Variants in SREK1IP1 observed in about 807,000 individuals in gnomAD.
SREK1IP1 encodes the protein protein SREK1IP1.
A neutral mutation model predicts 22.8 loss-of-function variants in SREK1IP1; 12 were observed. The ratio of observed to expected loss-of-function variants is 0.53; its 90% CI spans 0.34 to 0.85. The LOEUF is 0.85. Ranked by LOEUF, SREK1IP1 falls within the 40% of genes least tolerant of loss-of-function variation. SREK1IP1 has a pLI of 0.02. For missense variants in SREK1IP1, 147 were observed against 171.8 expected, an observed-to-expected ratio of 0.86 and a Z score of 0.81; for synonymous variants, 53 against 52.7, an observed-to-expected ratio of 1.01 and a Z score of -0.02.
At chr5:64,756,201 G>A (rs1742838044) in intron 1 of SREK1IP1, among the ~76,000 whole-genome samples, 1 of 152,106 alleles carries the variant, frequency 6.6e-6, no homozygotes, top group South Asian at 2.1e-4. Context: ...CCATTTTAAA[G>A]TATACAATTT....
chr5:64,757,169 A>G (rs1406426713), intron 1 of SREK1IP1, among the ~76,000 whole-genome samples: 1 of 152,244 alleles, frequency 6.6e-6, no homozygotes, highest in Admixed American at 6.5e-5. Context: ...CAGCAGTTTG[A>G]GAAGATTCCT....
intron 3 of SREK1IP1, among the ~76,000 whole-genome samples, chr5:64,730,158 A>G (rs1456490696): frequency 6.6e-6 from 1 of 152,190 alleles, no homozygotes. Flanking sequence ...CGGGGTTGGA[A>G]GAATACCAGA....
intron 2 of SREK1IP1, among the ~76,000 whole-genome samples, chr5:64,751,094 G>A (rs1044140303): frequency 8.5e-5 from 13 of 152,060 alleles, no homozygotes; most frequent in African/African-American, 3.1e-4. Flanking sequence ...AACTGATCTT[G>A]CTAAGGGAAG....
Position 64,718,170 on chromosome 5 carries a change from A to T in SREK1IP1, c.*6214T>A. On this transcript the variant is annotated 3_prime_UTR_variant, in exon 5 of 5. Coordinates refer to ENST00000513458, the MANE Select transcript of SREK1IP1 (RefSeq NM_173829.4). The stretch of plus-strand genomic sequence containing the variant: ...GCATTTTTGATCATTCAGTTACTTT[A>T]TTAAACGCACATTAAGGTTTTATTG... The T allele has an allele frequency of 1.7e-6, 1 of 585,086 alleles. No individual in the cohort carries two copies. Among genetic ancestry groups the T allele is most frequent in the Non-Finnish European group, 2.7e-6 (1 of 366,410 alleles). 36.2% of individuals were successfully genotyped at this position (585,086 alleles called of 1,614,324 possible).
intron 3 of SREK1IP1, among the ~76,000 whole-genome samples, chr5:64,738,881 T>C (rs55861108): frequency 0.043 from 6,484 of 152,286 alleles, 455 homozygotes; most frequent in African/African-American, 0.14. Flanking sequence ...TGGCTAATAA[T>C]TTGGTTGAAA....
chr5:64,758,365 C>T (rs974920702), intron 1 of SREK1IP1, among the ~76,000 whole-genome samples: 1 of 152,178 alleles, frequency 6.6e-6, no homozygotes, highest in African/African-American at 2.4e-5. Flanking sequence ...GACGGGGTTT[C>T]ACCATGTTGG....
rs1580534947 is a variant in SREK1IP1, at chr5:64,724,395, A to G, written c.457T>C (p.Ser153Pro). The G allele has an allele frequency of 6.5e-6, 10 of 1,540,634 alleles. No individual in the cohort carries two copies. The highest frequency in any genetic ancestry group is 1.8e-4 in the Middle Eastern group (1 of 5,702). Residue 153 changes from serine to proline, a missense_variant, in exon 5 of 5, where the codon TCC becomes CCC. By Grantham distance (74) the Ser-to-Pro change is moderately conservative. Transcript: ENST00000513458. ...AGCCAAAGTCTCAGTTACTTTCTGG[A>G]GAATTCAGAACTATTAGGTGTAGAA... is the stretch of plus-strand genomic sequence containing the variant. ...HSSTPNSSEF[S>P]RK
chr5:64,753,007 A>G (rs1742775482), intron 2 of SREK1IP1, among the ~76,000 whole-genome samples: 1 of 152,234 alleles, frequency 6.6e-6, no homozygotes. Flanking sequence ...AATATTGACA[A>G]AACGATTTGC....
intron 4 of SREK1IP1, among the ~76,000 whole-genome samples, chr5:64,724,923 T>G (rs1243473986): frequency 6.6e-6 from 1 of 152,206 alleles, no homozygotes; most frequent in African/African-American, 2.4e-5. Flanking sequence ...CCTTATTATA[T>G]TCACTTGTGT....
chr5:64,740,952 T>C, intron 3 of SREK1IP1, 105 bp downstream of exon 3: 3 of 1,071,218 alleles, frequency 2.8e-6, no homozygotes, highest in African/African-American at 3.2e-5. Context: ...CAGTAGCTCT[T>C]ACATAAACTA....
intron 3 of SREK1IP1, among the ~76,000 whole-genome samples, chr5:64,729,097 T>C (rs1282674978): frequency 1.3e-5 from 2 of 152,120 alleles, no homozygotes; most frequent in Non-Finnish European, 2.9e-5. Flanking sequence ...GAGGAAGCCT[T>C]GGGGTTATTT....
At chr5:64,755,210 GTA>G (rs1478842771) in intron 1 of SREK1IP1, among the ~76,000 whole-genome samples, 1 of 139,432 alleles carries the variant, frequency 7.2e-6, no homozygotes, top group Non-Finnish European at 1.5e-5. Flanking sequence ...CCATTACTGG[GTA>G]TATATCCAAA....
chr5:64,759,944 G>A (rs1742917088), intron 1 of SREK1IP1, among the ~76,000 whole-genome samples: 1 of 152,160 alleles, frequency 6.6e-6, no homozygotes, highest in Non-Finnish European at 1.5e-5. Context: ...AGAATTACAA[G>A]TGTACATACC....
chr5:64,766,990 A>C (rs1334395386), intron 1 of SREK1IP1, among the ~76,000 whole-genome samples: 2 of 152,256 alleles, frequency 1.3e-5, no homozygotes, highest in Non-Finnish European at 2.9e-5. Flanking sequence ...CACAGAAAAC[A>C]TCTTTCATTC....
intron 1 of SREK1IP1, chr5:64,765,050 C>T (rs549797300): frequency 6.6e-6 from 1 of 152,292 alleles, no homozygotes. Context: ...CATACGTTGC[C>T]ACTTGTGCCA....
intron 3 of SREK1IP1, among the ~76,000 whole-genome samples, chr5:64,738,661 A>G (rs1016013619): frequency 2.6e-5 from 4 of 152,142 alleles, no homozygotes; most frequent in Admixed American, 2.6e-4. Context: ...CAGAATAGGA[A>G]GTCCAGGAAT....
At chr5:64,742,623 CTAAA>C (rs975644712) in intron 2 of SREK1IP1, among the ~76,000 whole-genome samples, 2 of 152,102 alleles carry the variant, frequency 1.3e-5, no homozygotes, top group African/African-American at 2.4e-5. Flanking sequence ...CAGAGACTCT[CTAAA>C]TAGAGTTCCA....
chr5:64,738,622 C>T (rs574654863), intron 3 of SREK1IP1, among the ~76,000 whole-genome samples: 1 of 152,052 alleles, frequency 6.6e-6, no homozygotes, highest in African/African-American at 2.4e-5. Context: ...ATTGTACTGA[C>T]ATAAAGACAG....
rs1742193933 is a variant in SREK1IP1 at position 64,722,810 on chromosome 5, G to A, written c.*1574C>T. The A allele has an allele frequency of 6.6e-6, 1 of 152,176 alleles. No individual in the cohort carries two copies. The highest frequency in any genetic ancestry group is 2.4e-5 in the African/African-American group (1 of 41,454). The allele number at this position is 152,176 out of a possible 1,614,324, so 9.4% of individuals were successfully genotyped here. ...GAGGGCTGTGGATACAGCTTCCCTAGAATTTAAGCATGGGTAAGCATATGT... is the reference window on the plus strand; with the variant it reads ...GAGGGCTGTGGATACAGCTTCCCTAAAATTTAAGCATGGGTAAGCATATGT... On this transcript the variant is annotated 3_prime_UTR_variant, in exon 5 of 5. Transcript: ENST00000513458.
Sources: gnomAD v4.1 joint callset for allele counts (sites outside exome capture counted in the v4.1 genomes callset) on GRCh38, gnomAD v4.1.1 for gene constraint, MANE v1.5 for transcripts, NCBI Gene and HGNC (gene_info 2026-07-23, HGNC 2026-07-21) for gene names.